Variants in MRTFB observed in about 807,000 individuals in gnomAD.
The protein encoded by MRTFB is myocardin related transcription factor B.
MRTFB carries 29 observed loss-of-function variants against 104.2 expected under a neutral mutation model. The ratio of observed to expected loss-of-function variants is 0.28; its 90% CI spans 0.21 to 0.38. The LOEUF (loss-of-function observed/expected upper bound fraction) is 0.38. Among genes scored for constraint, MRTFB ranks in the 10% least tolerant of loss-of-function variants. MRTFB has a pLI of 1.00. For missense variants in MRTFB, 1,270 were observed against 1,341.6 expected (o/e 0.95, Z 0.83); for synonymous variants, 535 against 519.5 (o/e 1.03, Z -0.41).
intron 2 of MRTFB, among the ~76,000 whole-genome samples, chr16:14,084,657 ATAT>A (rs1348697707): frequency 6.6e-6 from 1 of 152,202 alleles, no homozygotes; most frequent in African/African-American, 2.4e-5. Context: ...TTGGGTGATG[ATAT>A]TATTGAGTTA....
chr16:14,036,326 T>C, the MRTFB span, among the ~76,000 whole-genome samples: 1 of 96,190 alleles, frequency 1.0e-5, no homozygotes, highest in Non-Finnish European at 2.2e-5. Flanking sequence ...ATATATGATG[T>C]CCACCTGCCT....
intron 3 of MRTFB, chr16:14,142,831 T>C (rs1300657570): frequency 6.6e-6 from 1 of 152,162 alleles, no homozygotes; most frequent in Admixed American, 6.6e-5. Flanking sequence ...TGCCAGAATA[T>C]AAGGTGGCAA....
the MRTFB span, among the ~76,000 whole-genome samples, chr16:14,006,450 T>C: frequency 1.4e-4 from 21 of 152,020 alleles, no homozygotes; most frequent in African/African-American, 5.1e-4. Flanking sequence ...GAGGCAGAGG[T>C]TGCAGTGAGC....
chr16:14,078,955 C>T (rs2034234140), intron 1 of MRTFB, among the ~76,000 whole-genome samples: 1 of 152,122 alleles, frequency 6.6e-6, no homozygotes, highest in East Asian at 1.9e-4. Context: ...AGAGAAGTTA[C>T]TTACCCCAGA....
intron 11 of MRTFB, among the ~76,000 whole-genome samples, chr16:14,245,891 T>C (rs978940025): frequency 1.3e-5 from 2 of 152,252 alleles, no homozygotes; most frequent in African/African-American, 4.8e-5. Context: ...CTACCAGTTC[T>C]GCTGGATTCC....
intron 2 of MRTFB, among the ~76,000 whole-genome samples, chr16:14,111,762 T>C (rs1267761772): frequency 6.6e-6 from 1 of 152,200 alleles, no homozygotes; most frequent in East Asian, 1.9e-4. Context: ...GTTCACTCCC[T>C]GGTTCCCCCT....
At chr16:14,094,758 G>A (rs982556855) in intron 2 of MRTFB, among the ~76,000 whole-genome samples, 7 of 152,176 alleles carry the variant, frequency 4.6e-5, no homozygotes, top group Non-Finnish European at 7.3e-5. Context: ...TAGGGGTTTT[G>A]GTCAGGGAAT....
rs34609591 is a variant in MRTFB at position 14,241,964 on chromosome 16, CAATAATAATAATAATAATAAT to C, written c.1079+1508_1079+1528del. On this transcript the variant is annotated intron_variant, in intron 10 of 16. Coordinates refer to ENST00000571589, the MANE Select transcript of MRTFB (RefSeq NM_001308142.2). ...GCCATCCTCCTTTGGCATTGGGCACCAATAATAATAATAATAATAATAATAATAATAATAATAATAATAATA... is the reference window on the plus strand; with the variant it reads ...GCCATCCTCCTTTGGCATTGGGCACCAATAATAATAATAATAATAATAATA... Among the ~76,000 whole-genome samples, 727 of 138,580 alleles carry C rather than the reference CAATAATAATAATAATAATAAT, an allele frequency of 5.2e-3. 5 individuals are homozygous for C. Among genetic ancestry groups the C allele is most frequent in the African/African-American group, 0.018 (686 of 38,358 alleles). 90.9% of individuals were successfully genotyped at this position (138,580 alleles called of 152,430 possible).
chr16:14,081,416 G>T (rs1044594519), intron 2 of MRTFB, among the ~76,000 whole-genome samples: 1 of 150,774 alleles, frequency 6.6e-6, no homozygotes, highest in East Asian at 2.0e-4. Flanking sequence ...CCTCAGCCTC[G>T]CAAGTAGCTG....
At chr16:14,080,675 G>C (rs1002345337) in intron 2 of MRTFB, among the ~76,000 whole-genome samples, 1 of 151,630 alleles carries the variant, frequency 6.6e-6, no homozygotes, top group Non-Finnish European at 1.5e-5. Flanking sequence ...ACCTTCTAAC[G>C]CCTCTGGTAA....
At chr16:14,133,546 A>G (rs1433828624) in intron 2 of MRTFB, among the ~76,000 whole-genome samples, 7 of 152,228 alleles carry the variant, frequency 4.6e-5, no homozygotes, top group Non-Finnish European at 1.0e-4. Flanking sequence ...CTGGAAAACA[A>G]AGTCTTCCCT....
At chr16:14,114,754 G>C (rs1206536418) in intron 2 of MRTFB, among the ~76,000 whole-genome samples, 22 of 152,234 alleles carry the variant, frequency 1.4e-4, no homozygotes, top group African/African-American at 5.1e-4. Context: ...CCTTTCTAGT[G>C]CATTGGGTCC....
intron 8 of MRTFB, among the ~76,000 whole-genome samples, chr16:14,219,586 A>C (rs1287461941): frequency 6.6e-6 from 1 of 152,232 alleles, no homozygotes; most frequent in Non-Finnish European, 1.5e-5. Flanking sequence ...TTAGAAAGGA[A>C]TTTAGCAATT....
chr16:14,076,639 T>C (rs147368432), intron 1 of MRTFB, among the ~76,000 whole-genome samples: 199 of 152,358 alleles, frequency 1.3e-3, no homozygotes, highest in African/African-American at 4.4e-3. Context: ...TTTGTATATT[T>C]GTAGGCATTA....
chr16:14,100,547 C>T (rs983666978), intron 2 of MRTFB, among the ~76,000 whole-genome samples: 8 of 152,092 alleles, frequency 5.3e-5, no homozygotes, highest in African/African-American at 1.7e-4. Flanking sequence ...AGAGCCTCTT[C>T]TAGTGTCTTT....
At position 14,218,929 on chromosome 16, in the gene MRTFB, A is replaced by G; in HGVS notation, c.624A>G (p.Ser208=). Residue 208 remains serine (S), a synonymous_variant, in exon 8 of 17, where the codon TCA becomes TCG. Coordinates refer to ENST00000571589, the MANE Select transcript of MRTFB (RefSeq NM_001308142.2). ...CTGCGAGTCAGGAGTCACAGGGGTC[A>G]GCCGCGTCCCCAAGTGAGCCAAAAG... is the stretch of plus-strand genomic sequence containing the variant. ...DQPASQESQG[S]AASPSEPKVS... is the part of the protein sequence containing the mutation. 6.2e-7 allele frequency: 1 copy of G among 1,614,162 alleles called. No homozygotes were observed. The highest frequency in any genetic ancestry group is 1.3e-5 in the African/African-American group (1 of 75,036).
intron 3 of MRTFB, among the ~76,000 whole-genome samples, chr16:14,148,033 A>G (rs1215940861): frequency 6.6e-6 from 1 of 152,218 alleles, no homozygotes; most frequent in Non-Finnish European, 1.5e-5. Context: ...TAACTTTCAT[A>G]AAAGTAGAGC....
intron 4 of MRTFB, 39 bp from the exon 5 acceptor site, chr16:14,212,315 A>C (rs2041226066): frequency 6.2e-7 from 1 of 1,600,036 alleles, no homozygotes; most frequent in Non-Finnish European, 8.6e-7. Flanking sequence ...TGAAGTATGA[A>C]CTCTATTTAT....
chr16:14,003,907 C>A, the MRTFB span, among the ~76,000 whole-genome samples: 2 of 152,124 alleles, frequency 1.3e-5, no homozygotes, highest in Non-Finnish European at 2.9e-5. Context: ...TTCAAGGGAA[C>A]CTGGGCAACT....
Sources: gnomAD v4.1 joint callset for allele counts (sites outside exome capture counted in the v4.1 genomes callset) on GRCh38, gnomAD v4.1.1 for gene constraint, MANE v1.5 for transcripts, NCBI Gene and HGNC (gene_info 2026-07-23, HGNC 2026-07-21) for gene names.